Variants in EPHA5 observed in about 807,000 individuals in gnomAD.
The protein encoded by EPHA5 is EPH receptor A5, also known as ephrin type-A receptor 5.
Under a neutral mutation model 105.0 loss-of-function variants are expected in EPHA5, and 60 were observed. The observed-to-expected ratio is 0.57, with a 90% CI of 0.46 to 0.71. EPHA5 has a LOEUF of 0.71. Ranked by LOEUF, EPHA5 falls within the 30% of genes least tolerant of loss-of-function variation. The pLI, the probability that EPHA5 is intolerant of heterozygous loss-of-function variation, is 0.00. For synonymous variants in EPHA5, 513 were observed against 449.1 expected, an observed-to-expected ratio of 1.14 and a Z score of -1.80; for missense variants, 1,218 against 1,274.7, an observed-to-expected ratio of 0.96 and a Z score of 0.68.
At chr4:65,623,398 T>C (rs1745870742) in intron 2 of EPHA5, among the ~76,000 whole-genome samples, 1 of 145,798 alleles carries the variant, frequency 6.9e-6, no homozygotes, top group African/African-American at 2.4e-5. Context: ...AACAATTATA[T>C]TGATTACTCA....
At chr4:65,527,910 T>A (rs867557289) in intron 3 of EPHA5, among the ~76,000 whole-genome samples, 14 of 152,222 alleles carry the variant, frequency 9.2e-5, no homozygotes, top group Middle Eastern at 3.4e-3. Context: ...GTTCTCATCA[T>A]TTAGCTCCCA....
intron 5 of EPHA5, among the ~76,000 whole-genome samples, chr4:65,476,898 C>T (rs926296585): frequency 6.6e-6 from 1 of 151,894 alleles, no homozygotes; most frequent in Non-Finnish European, 1.5e-5. Context: ...AAAAAGAAAA[C>T]ATCAAGCATA....
chr4:65,603,387 A>T (rs2149444280), intron 2 of EPHA5, among the ~76,000 whole-genome samples: 1 of 152,286 alleles, frequency 6.6e-6, no homozygotes, highest in African/African-American at 2.4e-5. Flanking sequence ...TTAAATCTTT[A>T]AAATACCACT....
At chr4:65,483,971 G>A (rs1730632703) in intron 5 of EPHA5, among the ~76,000 whole-genome samples, 1 of 152,116 alleles carries the variant, frequency 6.6e-6, no homozygotes, top group Non-Finnish European at 1.5e-5. Context: ...AACATTAGCA[G>A]ATTTAACTTA....
chr4:65,367,693 T>C (rs988612208), intron 8 of EPHA5, among the ~76,000 whole-genome samples: 7 of 152,096 alleles, frequency 4.6e-5, no homozygotes, highest in Non-Finnish European at 8.8e-5. Flanking sequence ...AAATACTGTA[T>C]ACCAGACATT....
At chr4:65,544,966 T>G (rs1737232212) in intron 3 of EPHA5, among the ~76,000 whole-genome samples, 1 of 151,518 alleles carries the variant, frequency 6.6e-6, no homozygotes, top group African/African-American at 2.4e-5. Flanking sequence ...CATTCCAATT[T>G]TTTTTTCTGC....
At chr4:65,471,483 C>A (rs1729277123) in intron 5 of EPHA5, among the ~76,000 whole-genome samples, 1 of 152,094 alleles carries the variant, frequency 6.6e-6, no homozygotes, top group Non-Finnish European at 1.5e-5. Context: ...AGGTTTGTTG[C>A]ATGGGTATTG....
intron 8 of EPHA5, among the ~76,000 whole-genome samples, chr4:65,392,751 T>C (rs1057133100): frequency 2.6e-5 from 4 of 152,156 alleles, no homozygotes; most frequent in African/African-American, 9.7e-5. Context: ...ATTTTAGAGA[T>C]ATTAAAGTTT....
chr4:65,583,972 A>G (rs530702247), intron 3 of EPHA5, among the ~76,000 whole-genome samples: 24 of 151,760 alleles, frequency 1.6e-4, no homozygotes, highest in African/African-American at 5.8e-4. Flanking sequence ...TATATGTAAT[A>G]CGGTATATAT....
chr4:65,564,622 A>G (rs968220417), intron 3 of EPHA5, among the ~76,000 whole-genome samples: 5 of 151,794 alleles, frequency 3.3e-5, no homozygotes, highest in Admixed American at 2.6e-4. Flanking sequence ...AGCTACATGT[A>G]CCAAGTTATT....
intron 8 of EPHA5, among the ~76,000 whole-genome samples, chr4:65,387,142 G>A (rs117411401): frequency 1.1e-4 from 17 of 152,016 alleles, no homozygotes; most frequent in East Asian, 5.8e-4. Context: ...CAGTGGGGGC[G>A]GGGGTTGGGC....
At chr4:65,507,642 G>C (rs895276799) in intron 3 of EPHA5, among the ~76,000 whole-genome samples, 1 of 152,050 alleles carries the variant, frequency 6.6e-6, no homozygotes, top group Non-Finnish European at 1.5e-5. Flanking sequence ...GTGAATGGGA[G>C]TTCACTCATG....
At chr4:65,395,593 C>T (rs1157484621) in intron 8 of EPHA5, among the ~76,000 whole-genome samples, 2 of 152,156 alleles carry the variant, frequency 1.3e-5, no homozygotes, top group African/African-American at 4.8e-5. Context: ...TATTGGCTGA[C>T]TTCTAAAGAA....
intron 5 of EPHA5, among the ~76,000 whole-genome samples, chr4:65,456,402 T>A (rs1443537251): frequency 6.6e-6 from 1 of 152,024 alleles, no homozygotes; most frequent in Non-Finnish European, 1.5e-5. Context: ...CTAAGCATAA[T>A]GTAGAAGCTG....
chr4:65,539,338 G>C (rs1009299055), intron 3 of EPHA5, among the ~76,000 whole-genome samples: 2 of 148,958 alleles, frequency 1.3e-5, no homozygotes, highest in Non-Finnish European at 3.0e-5. Context: ...GGAGGAGGAA[G>C]AGAAAAAGAA....
At chr4:65,576,078 G>GAA (rs1356520486) in intron 3 of EPHA5, among the ~76,000 whole-genome samples, 5 of 53,506 alleles carry the variant, frequency 9.3e-5, no homozygotes, top group Non-Finnish European at 1.9e-4. Flanking sequence ...GAAAAGAAAA[G>GAA]AAAAGAAAAG....
intron 1 of EPHA5, among the ~76,000 whole-genome samples, chr4:65,650,121 T>A (rs1431856077): frequency 3.9e-5 from 6 of 152,194 alleles, no homozygotes; most frequent in Non-Finnish European, 7.3e-5. Flanking sequence ...TGCTGGTTCT[T>A]AACATATTTA....
At chr4:65,549,878 C>T (rs1158454932) in intron 3 of EPHA5, among the ~76,000 whole-genome samples, 1 of 152,034 alleles carries the variant, frequency 6.6e-6, no homozygotes, top group Non-Finnish European at 1.5e-5. Flanking sequence ...TCCTGTCCTG[C>T]TAAGATTGAT....
chr4:65,479,380 A>C (rs1236420546), intron 5 of EPHA5, among the ~76,000 whole-genome samples: 1 of 152,184 alleles, frequency 6.6e-6, no homozygotes, highest in African/African-American at 2.4e-5. Context: ...CTGCTGTTCT[A>C]TGTACTAGAT....
Sources: gnomAD v4.1 joint callset for allele counts (sites outside exome capture counted in the v4.1 genomes callset) on GRCh38, gnomAD v4.1.1 for gene constraint, MANE v1.5 for transcripts, NCBI Gene and HGNC (gene_info 2026-07-23, HGNC 2026-07-21) for gene names.